MPDZ: variants seen among roughly 807,000 people sequenced by gnomAD.
The protein encoded by MPDZ is multiple PDZ domain protein.
A neutral mutation model predicts 239.1 loss-of-function variants in MPDZ; 234 were observed. The ratio of observed to expected loss-of-function variants is 0.98; its 90% CI spans 0.88 to 1.09. MPDZ has a LOEUF of 1.09. Ranked by LOEUF, MPDZ falls within the 50% of genes least tolerant of loss-of-function variation. The pLI, the probability that MPDZ is intolerant of heterozygous loss-of-function variation, is 0.00. For synonymous variants in MPDZ, 1,048 were observed against 881.3 expected (o/e 1.19, Z -3.35); for missense variants, 3,175 against 2,510.0 (o/e 1.26, Z -5.66).
chr9:13,214,794 A>C (rs1214163925), intron 10 of MPDZ, among the ~76,000 whole-genome samples: 1 of 152,032 alleles, frequency 6.6e-6, no homozygotes, highest in Non-Finnish European at 1.5e-5. Flanking sequence ...AGATACACAG[A>C]GAAAGCTCAC....
intron 24 of MPDZ, among the ~76,000 whole-genome samples, chr9:13,157,342 T>C (rs1179998112): frequency 2.0e-5 from 3 of 152,182 alleles, no homozygotes; most frequent in African/African-American, 7.2e-5. Context: ...CCAAGTACAT[T>C]AGAGGTTCCT....
At position 13,222,444 on chromosome 9, in the gene MPDZ, T is replaced by C; in HGVS notation, c.536A>G (p.Asp179Gly). 1.9e-6 allele frequency: 3 copies of C among 1,610,848 alleles called. No homozygotes were observed. Among genetic ancestry groups the C allele is most frequent in the South Asian group, 1.1e-5 (1 of 90,912 alleles). ...TTGATCAGTTTCTTTCAATCTTCCA[T>C]CTCTATCAAGGATGCAAAAGGGGAT... ...EIQEGSVAHRDGRLKETDQIL... is the reference protein window; with the variant it reads ...EIQEGSVAHRGGRLKETDQIL... The change falls in exon 6 of 47, where the codon GAT (aspartate) becomes GGT (glycine). Residue 179 changes from aspartate to glycine, a missense_variant and splice_region_variant. Transcript: ENST00000319217.
At chr9:13,141,164 C>A (rs770322509) in intron 27 of MPDZ, among the ~76,000 whole-genome samples, 1 of 151,092 alleles carries the variant, frequency 6.6e-6, no homozygotes, top group Non-Finnish European at 1.5e-5. Flanking sequence ...GCAGTTTTTG[C>A]CATTAAAACT....
At chr9:13,251,988 G>T (rs1968168712) in intron 1 of MPDZ, among the ~76,000 whole-genome samples, 2 of 152,036 alleles carry the variant, frequency 1.3e-5, no homozygotes, top group African/African-American at 4.8e-5. Flanking sequence ...CTTACTCATT[G>T]GGTATATTTT....
At chr9:13,168,327 G>T in intron 22 of MPDZ, 39 bp downstream of exon 22, 1 of 1,569,294 alleles carries the variant, frequency 6.4e-7, no homozygotes, top group African/African-American at 1.4e-5. Flanking sequence ...TGAAATTCCT[G>T]AATTTCCCAA....
At chr9:13,237,871 A>AT (rs1964477747) in intron 3 of MPDZ, among the ~76,000 whole-genome samples, 1 of 152,148 alleles carries the variant, frequency 6.6e-6, no homozygotes, top group Non-Finnish European at 1.5e-5. Context: ...GAGAAATGTG[A>AT]TTTTTCCATT....
intron 3 of MPDZ, among the ~76,000 whole-genome samples, chr9:13,235,440 T>G (rs1384808306): frequency 3.3e-5 from 5 of 152,190 alleles, no homozygotes; most frequent in Non-Finnish European, 7.4e-5. Context: ...GGGATAGTAA[T>G]TAAAGTGACA....
chr9:13,204,070 T>C (rs538935036), intron 12 of MPDZ, among the ~76,000 whole-genome samples: 4 of 152,148 alleles, frequency 2.6e-5, no homozygotes, highest in African/African-American at 9.7e-5. Context: ...GTAAAGCTCA[T>C]TCAAAATTTT....
At chr9:13,214,075 A>C (rs1021918070) in intron 10 of MPDZ, among the ~76,000 whole-genome samples, 3 of 152,016 alleles carry the variant, frequency 2.0e-5, no homozygotes, top group Non-Finnish European at 2.9e-5. Context: ...CTAAGTATAC[A>C]CCCAAGAAAA....
chr9:13,237,021 C>T (rs111760193), intron 3 of MPDZ, among the ~76,000 whole-genome samples: 23 of 152,128 alleles, frequency 1.5e-4, no homozygotes, highest in African/African-American at 5.1e-4. Flanking sequence ...TTGCTTTCAG[C>T]GCCTATCATA....
At chr9:13,235,816 T>C (rs1963795429) in intron 3 of MPDZ, among the ~76,000 whole-genome samples, 4 of 152,068 alleles carry the variant, frequency 2.6e-5, no homozygotes. Context: ...CTGTGAACTA[T>C]AAAATTAAAG....
chr9:13,233,757 C>A (rs1963200032), intron 3 of MPDZ, among the ~76,000 whole-genome samples: 1 of 152,134 alleles, frequency 6.6e-6, no homozygotes, highest in Non-Finnish European at 1.5e-5. Context: ...TAGCGACAGC[C>A]TGTATACATA....
chr9:13,242,934 T>C (rs2137455620), intron 3 of MPDZ, among the ~76,000 whole-genome samples: 1 of 152,296 alleles, frequency 6.6e-6, no homozygotes, highest in Non-Finnish European at 1.5e-5. Context: ...AAGAACTAAC[T>C]CCAGACATTG....
At chr9:13,165,446 A>G in intron 22 of MPDZ, 1 of 1,547,438 alleles carries the variant, frequency 6.5e-7, no homozygotes, top group Non-Finnish European at 8.7e-7. Context: ...TCTTTTTACA[A>G]TGGTGTTAAC....
chr9:13,247,572 C>T (rs1966840318), intron 3 of MPDZ, 63 bp downstream of exon 3: 10 of 1,531,818 alleles, frequency 6.5e-6, no homozygotes, highest in African/African-American at 1.4e-5. Flanking sequence ...TTCAGAAAAA[C>T]ACAAGCCTTT....
At position 13,223,729 on chromosome 9, in the gene MPDZ, A is replaced by G. The variant is rs550600848; in HGVS notation, c.394-19T>C. 526 of 1,566,918 alleles carry G rather than the reference A, an allele frequency of 3.4e-4. 1 individual carries two copies. Among genetic ancestry groups the G allele is most frequent in the Admixed American group, 6.9e-4 (36 of 52,060 alleles). On this transcript the variant is annotated intron_variant, in intron 4 of 46. Transcript: ENST00000319217. ...GGCGACCCTGTTTAGGAAACAAAGC[A>G]AGAAATAAAACTAAAAGCCAGGCCA...
Position 13,232,508 on chromosome 9 carries a change from A to G in MPDZ, c.184-7925T>C, listed in dbSNP as rs928456128. ...TTTATAAACATACACATGCACATAA[A>G]TACTTTATTTCTACCTCACACCACA... is the stretch of plus-strand genomic sequence containing the variant. On this transcript the variant is annotated intron_variant, in intron 3 of 46. Transcript: ENST00000319217. 4.6e-5 allele frequency among the ~76,000 whole-genome samples: 7 copies of G among 152,068 alleles called. No individual in the cohort carries two copies. The South Asian group carries it at 1.4e-3, about 31-fold the overall frequency.
chr9:13,253,490 T>G (rs903685912), intron 1 of MPDZ, among the ~76,000 whole-genome samples: 6 of 152,286 alleles, frequency 3.9e-5, no homozygotes, highest in African/African-American at 1.4e-4. Context: ...AATCACAAAA[T>G]TTTTTAGATA....
intron 10 of MPDZ, among the ~76,000 whole-genome samples, chr9:13,211,568 A>T (rs1957621939): frequency 6.6e-6 from 1 of 152,154 alleles, no homozygotes; most frequent in Non-Finnish European, 1.5e-5. Flanking sequence ...AGTAAAATTC[A>T]AATCTAAATA....
Sources: gnomAD v4.1 joint callset for allele counts (sites outside exome capture counted in the v4.1 genomes callset) on GRCh38, gnomAD v4.1.1 for gene constraint, MANE v1.5 for transcripts, NCBI Gene and HGNC (gene_info 2026-07-23, HGNC 2026-07-21) for gene names.